LRRK2: variants seen among roughly 807,000 people sequenced by gnomAD.
LRRK2 encodes leucine rich repeat kinase 2.
LRRK2 carries 203 observed loss-of-function variants against 302.6 expected under a neutral mutation model. The observed-to-expected ratio is 0.67, with a 90% CI of 0.60 to 0.75. The LOEUF is 0.75. Among genes scored for constraint, LRRK2 ranks in the 30% least tolerant of loss-of-function variants. The pLI is 0.00. For missense variants in LRRK2, 2,830 were observed against 2,951.0 expected (o/e 0.96, Z 0.95); for synonymous variants, 1,066 against 1,031.9 (o/e 1.03, Z -0.63).
intron 40 of LRRK2, 98 bp from the exon 41 acceptor site, chr12:40,340,196 T>G: frequency 8.1e-7 from 1 of 1,237,468 alleles, no homozygotes. Context: ...GAATTTTTGA[T>G]GCTTGACATA....
intron 25 of LRRK2, chr12:40,301,140 A>T (rs970633950): frequency 2.2e-6 from 1 of 456,246 alleles, no homozygotes; most frequent in Admixed American, 2.4e-5. Flanking sequence ...TGCACTACAC[A>T]ATCTTAATAG....
chr12:40,235,795 T>G (rs74076179), intron 4 of LRRK2, 81 bp downstream of exon 4: 182 of 452,006 alleles, frequency 4.0e-4, no homozygotes, highest in African/African-American at 3.9e-3. Context: ...GTGTGTGTGT[T>G]TTTTTTTTTT....
At chr12:40,275,948 C>A (rs988072804) in intron 16 of LRRK2, among the ~76,000 whole-genome samples, 2 of 151,892 alleles carry the variant, frequency 1.3e-5, no homozygotes, top group African/African-American at 4.8e-5. Context: ...GCAGCATTGA[C>A]CAGGAATAAA....
chr12:40,237,377 C>T (rs1409971861), intron 4 of LRRK2, among the ~76,000 whole-genome samples: 1 of 152,110 alleles, frequency 6.6e-6, no homozygotes. Flanking sequence ...ACTGTTTTTG[C>T]ATTCTAGATG....
chr12:40,231,576 C>CAAAAAAAAAAAAAAAACA (rs1941193253), intron 2 of LRRK2, among the ~76,000 whole-genome samples: 70 of 105,184 alleles, frequency 6.7e-4, no homozygotes, highest in East Asian at 2.3e-3. Flanking sequence ...AAAACAAAAC[C>CAAAAAAAAAAAAAAAACA]AAAAAAAAAA....
intron 25 of LRRK2, among the ~76,000 whole-genome samples, chr12:40,301,562 GA>G (rs1412861040): frequency 6.6e-6 from 1 of 152,120 alleles, no homozygotes; most frequent in Non-Finnish European, 1.5e-5. Context: ...TTTATTTTGC[GA>G]ATAGGTGAGG....
At chr12:40,232,481 T>C (rs1322671633) in intron 3 of LRRK2, 98 bp downstream of exon 3, 3 of 875,164 alleles carry the variant, frequency 3.4e-6, no homozygotes, top group Non-Finnish European at 5.8e-6. Flanking sequence ...CCAAGGCTAC[T>C]CCTGTGGAAT....
At chr12:40,363,322 C>A in intron 47 of LRRK2, 80 bp from the exon 48 acceptor site, 3 of 1,323,298 alleles carry the variant, frequency 2.3e-6, no homozygotes, top group Non-Finnish European at 3.2e-6. Context: ...ACATTAAGAA[C>A]TAATATAAGG....
Position 40,287,340 on chromosome 12 carries a change from C to A in LRRK2, c.2501-11C>A. ...TGATTTCTAAGTTGCTGGTGTATCT[C>A]TTATTTTCAGATATAGCATCTACAC... On this transcript the variant is annotated splice_polypyrimidine_tract_variant and intron_variant, in intron 19 of 50. Transcript: ENST00000298910. 1 of 1,609,390 alleles carries A rather than the reference C, an allele frequency of 6.2e-7. No individual in the cohort carries two copies. The highest frequency in any genetic ancestry group is 8.5e-7 in the Non-Finnish European group (1 of 1,177,174).
chr12:40,287,283 G>T (rs1487627403), intron 19 of LRRK2, 68 bp from the exon 20 acceptor site: 2 of 1,385,684 alleles, frequency 1.4e-6, no homozygotes, highest in African/African-American at 1.4e-5. Context: ...TAAGAACTTT[G>T]GTCCTATGTA....
chr12:40,358,990 G>A (rs1434617874), intron 46 of LRRK2, among the ~76,000 whole-genome samples: 2 of 144,536 alleles, frequency 1.4e-5, no homozygotes, highest in African/African-American at 2.5e-5. Flanking sequence ...TACTTCAAAT[G>A]GGATTGCTTT....
At chr12:40,306,132 G>A (rs1455121399) in intron 28 of LRRK2, among the ~76,000 whole-genome samples, 166 bp downstream of exon 28, 2 of 152,108 alleles carry the variant, frequency 1.3e-5, no homozygotes, top group South Asian at 4.1e-4. Context: ...ATGTGTTTCT[G>A]TGGTGCCACT....
At chr12:40,274,190 TAGA>T (rs1943352632) in intron 14 of LRRK2, among the ~76,000 whole-genome samples, 1 of 152,216 alleles carries the variant, frequency 6.6e-6, no homozygotes, top group Non-Finnish European at 1.5e-5. Context: ...GTCAAGTATG[TAGA>T]CTCTGGGGTG....
intron 25 of LRRK2, among the ~76,000 whole-genome samples, chr12:40,302,283 A>C (rs1477026170): frequency 6.6e-6 from 1 of 152,128 alleles, no homozygotes; most frequent in African/African-American, 2.4e-5. Flanking sequence ...ATGTTTCCCA[A>C]TCTCTTAAGA....
Position 40,320,029 on chromosome 12 carries a change from G to A in LRRK2, c.4869G>A (p.Lys1623=), listed in dbSNP as rs1272259585. Residue 1623 remains lysine (K), a synonymous_variant, in exon 34 of 51, where the codon AAG becomes AAA. Coordinates refer to ENST00000298910, the MANE Select transcript of LRRK2 (RefSeq NM_198578.4). ...TGGAAGGTTGTCCAAAACACCCTAA[G>A]GGCATTATTTCGCGTAGAGATGTGG... ...VKVEGCPKHP[K]GIISRRDVEK... is the part of the protein sequence containing the mutation. 3.1e-6 allele frequency: 5 copies of A among 1,611,706 alleles called. No individual in the cohort carries two copies. Among genetic ancestry groups the A allele is most frequent in the African/African-American group, 2.7e-5 (2 of 74,774 alleles).
At chr12:40,358,478 A>C (rs906980206) in intron 46 of LRRK2, among the ~76,000 whole-genome samples, 2 of 152,152 alleles carry the variant, frequency 1.3e-5, no homozygotes, top group African/African-American at 4.8e-5. Context: ...CAATTTATTG[A>C]AGGTGGTATT....
intron 2 of LRRK2, among the ~76,000 whole-genome samples, chr12:40,229,480 T>G (rs1008266314): frequency 6.6e-6 from 1 of 152,154 alleles, no homozygotes; most frequent in Non-Finnish European, 1.5e-5. Flanking sequence ...GCTAGGTGCT[T>G]TATATTTTTC....
chr12:40,225,504 G>A (rs77259873), intron 1 of LRRK2, 51 bp from the exon 2 acceptor site: 3 of 1,475,604 alleles, frequency 2.0e-6, no homozygotes, highest in South Asian at 2.3e-5. Context: ...AAGGAGAGGG[G>A]GTGCTGTGGA....
At chr12:40,304,255 C>T (rs963810281) in intron 27 of LRRK2, 121 bp downstream of exon 27, 43 of 886,392 alleles carry the variant, frequency 4.9e-5, no homozygotes, top group Non-Finnish European at 7.0e-5. Context: ...TTCCTGTTAA[C>T]TATAAATTCC....
Sources: allele counts gnomAD v4.1 joint callset (sites outside exome capture counted in the v4.1 genomes callset), GRCh38; gene constraint gnomAD v4.1.1; transcripts MANE v1.5; gene names NCBI Gene and HGNC (gene_info 2026-07-23, HGNC 2026-07-21).